Variants in CFTR observed in about 807,000 individuals in gnomAD.
The protein encoded by CFTR is cystic fibrosis transmembrane conductance regulator.
A neutral mutation model predicts 171.6 loss-of-function variants in CFTR; 181 were observed. The ratio of observed to expected loss-of-function variants is 1.05; its 90% CI spans 0.93 to 1.19. The LOEUF (loss-of-function observed/expected upper bound fraction) is 1.19, where lower values mean the gene tolerates loss of function less well. CFTR is among the 50% of genes most tolerant of loss of function. The pLI is 0.00. For missense variants in CFTR, 1,968 were observed against 1,734.7 expected, an observed-to-expected ratio of 1.13 and a Z score of -2.39; for synonymous variants, 583 against 608.0, an observed-to-expected ratio of 0.96 and a Z score of 0.60.
In CFTR at chr7:117,604,167, T is replaced by G. The variant is rs545503259; in HGVS notation, c.2908+385T>G. Among the ~76,000 whole-genome samples the G allele has an allele frequency of 1.9e-3, 288 of 150,594 alleles. 2 individuals are homozygous for G. Among genetic ancestry groups the G allele is most frequent in the Non-Finnish European group, 3.4e-3 (230 of 68,020 alleles). On this transcript the variant is annotated intron_variant, in intron 17 of 26. Transcript: ENST00000003084. ...TTTGAAGTGATCAAGGAAAATATAT[T>G]TTTTCTATTGATTAAGTCTTTTGAT... is the stretch of plus-strand genomic sequence containing the variant.
intron 3 of CFTR, among the ~76,000 whole-genome samples, chr7:117,520,578 A>G (rs1798670017): frequency 6.6e-6 from 1 of 151,924 alleles, no homozygotes; most frequent in Non-Finnish European, 1.5e-5. Context: ...ATTTTATAAT[A>G]TATTAAAGTA....
intron 21 of CFTR, among the ~76,000 whole-genome samples, chr7:117,625,276 G>C (rs1377612533): frequency 5.3e-5 from 8 of 152,154 alleles, no homozygotes; most frequent in African/African-American, 1.9e-4. Flanking sequence ...CAGACAATGA[G>C]TTGGAAAGTT....
At chr7:117,605,303 A>G (rs1032544325) in intron 17 of CFTR, among the ~76,000 whole-genome samples, 10 of 152,180 alleles carry the variant, frequency 6.6e-5, no homozygotes, top group African/African-American at 2.4e-4. Context: ...TATTTTTTCA[A>G]TTTTTGATTA....
Position 117,602,646 on chromosome 7 carries a change from G to A in CFTR, c.2620-180G>A, listed in dbSNP as rs10264892. On this transcript the variant is annotated intron_variant, in intron 15 of 26. Coordinates refer to ENST00000003084, the MANE Select transcript of CFTR (RefSeq NM_000492.4). ...TAATGTGGTCTCATCACAAATAATA[G>A]TACTTAGAACACCTAGTACAGCTGC... Among the ~76,000 whole-genome samples the A allele has an allele frequency of 0.014, 2,197 of 152,252 alleles. 39 individuals carry two copies. Among genetic ancestry groups the A allele is most frequent in the African/African-American group, 0.032 (1,350 of 41,540 alleles).
chr7:117,592,474 C>G lies in CFTR; in HGVS notation c.2307C>G (p.Val769=), dbSNP rs1241371944. 6.4e-7 allele frequency: 1 copy of G among 1,563,294 alleles called. No homozygotes were observed. The highest frequency in any genetic ancestry group is 1.9e-5 in the Admixed American group (1 of 51,624). The change falls in exon 14 of 27, where the codon GTC becomes GTG. Residue 769 remains valine, a synonymous_variant. Coordinates refer to ENST00000003084, the MANE Select transcript of CFTR (RefSeq NM_000492.4). ...TTCAGGCACGAAGGAGGCAGTCTGT[C>G]CTGAACCTGATGACACACTCAGTTA... ...PTLQARRRQS[V]LNLMTHSVNQ...
At chr7:117,622,305 G>T (rs1792594996) in intron 21 of CFTR, among the ~76,000 whole-genome samples, 1 of 152,054 alleles carries the variant, frequency 6.6e-6, no homozygotes, top group African/African-American at 2.4e-5. Context: ...CTGTTTTCTT[G>T]CTATTATCTC....
chr7:117,612,040 T>TATATAC (rs1792410456), intron 20 of CFTR, among the ~76,000 whole-genome samples: 1 of 75,000 alleles, frequency 1.3e-5, no homozygotes, highest in East Asian at 2.6e-4. Flanking sequence ...TATATATATA[T>TATATAC]ATATATATAT....
chr7:117,525,929 T>G, intron 3 of CFTR, among the ~76,000 whole-genome samples: 2 of 149,246 alleles, frequency 1.3e-5, no homozygotes, highest in African/African-American at 5.1e-5. Flanking sequence ...GTCATTATGA[T>G]GTTAGCTGGT....
At chr7:117,577,885 G>A (rs544219407) in intron 11 of CFTR, among the ~76,000 whole-genome samples, 1 of 152,188 alleles carries the variant, frequency 6.6e-6, no homozygotes, top group East Asian at 1.9e-4. Flanking sequence ...TTTTTGATAA[G>A]AAGTAGTAAC....
rs121908775 is a variant in CFTR, at chr7:117,559,547, TCA to T, written c.1477_1478del (p.Gln493ValfsTer10). The T allele has an allele frequency of 1.2e-6, 2 of 1,611,926 alleles. No homozygotes were observed. Among genetic ancestry groups the T allele is most frequent in the Non-Finnish European group, 1.7e-6 (2 of 1,178,164 alleles). ...KHSGRISFCS[Q>X]FSWIMPGTIK... ...ACAGTGGAAGAATTTCATTCTGTTC[TCA>T]GTTTTCCTGGATTATGCCTGGCACC... On this transcript the variant is annotated frameshift_variant, in exon 11 of 27. Transcript: ENST00000003084. LOFTEE classifies it high-confidence loss of function.
At chr7:117,584,018 T>C (rs979667130) in intron 11 of CFTR, among the ~76,000 whole-genome samples, 1 of 152,048 alleles carries the variant, frequency 6.6e-6, no homozygotes, top group Non-Finnish European at 1.5e-5. Context: ...ATGGAATTAT[T>C]TGTTTTTTTT....
intron 11 of CFTR, among the ~76,000 whole-genome samples, chr7:117,582,443 G>C (rs1791862586): frequency 6.6e-6 from 1 of 152,134 alleles, no homozygotes; most frequent in Admixed American, 6.5e-5. Context: ...AGGACACTTG[G>C]ATGCATTTCT....
At chr7:117,560,961 AC>A (rs1288380223) in intron 11 of CFTR, among the ~76,000 whole-genome samples, 1 of 152,026 alleles carries the variant, frequency 6.6e-6, no homozygotes, top group Non-Finnish European at 1.5e-5. Flanking sequence ...TGCCTTACAG[AC>A]TTTTTTTTTG....
At chr7:117,543,883 T>TTTAAAATATAA (rs1799096879) in intron 9 of CFTR, among the ~76,000 whole-genome samples, 2 of 152,350 alleles carry the variant, frequency 1.3e-5, no homozygotes, top group South Asian at 4.1e-4. Flanking sequence ...TATTTTGTAG[T>TTTAAAATATAA]GACTTCTTTA....
At chr7:117,569,912 C>G (rs1791663025) in intron 11 of CFTR, among the ~76,000 whole-genome samples, 1 of 152,140 alleles carries the variant, frequency 6.6e-6, no homozygotes. Flanking sequence ...AGTTTGTACT[C>G]TCGTGTAACT....
chr7:117,550,951 G>T (rs1799259584), intron 10 of CFTR, among the ~76,000 whole-genome samples: 1 of 152,142 alleles, frequency 6.6e-6, no homozygotes, highest in African/African-American at 2.4e-5. Context: ...TTGGACAAAA[G>T]ATCTAGCTAA....
rs1357295614 is a variant in CFTR, at chr7:117,534,376, A to G, written c.579+11A>G. ...AACAAATTTGATGAAGTATGTACCT[A>G]TTGATTTAATCTTTTAGGCACTATT... On this transcript the variant is annotated intron_variant, in intron 5 of 26. Transcript: ENST00000003084. 4 of 1,405,218 alleles carry G rather than the reference A, an allele frequency of 2.8e-6. No homozygotes were observed. The African/African-American group carries it at 4.2e-5, about 15-fold the overall frequency. The allele number at this position is 1,405,218 out of a possible 1,614,324, so 87.0% of individuals were successfully genotyped here.
intron 22 of CFTR, among the ~76,000 whole-genome samples, chr7:117,641,320 T>C (rs994456045): frequency 1.6e-4 from 24 of 152,308 alleles, no homozygotes; most frequent in Admixed American, 4.6e-4. Flanking sequence ...CTTACTTTTC[T>C]ATGATGACAT....
chr7:117,599,736 CAATT>C (rs1792193379), intron 15 of CFTR, among the ~76,000 whole-genome samples: 2 of 152,064 alleles, frequency 1.3e-5, no homozygotes, highest in African/African-American at 4.8e-5. Flanking sequence ...TACAACTAAA[CAATT>C]CATTCACCAG....
Sources: allele counts gnomAD v4.1 joint callset (sites outside exome capture counted in the v4.1 genomes callset), GRCh38; gene constraint gnomAD v4.1.1; transcripts MANE v1.5; gene names NCBI Gene and HGNC (gene_info 2026-07-23, HGNC 2026-07-21).